Variants in KCTD10 observed in about 807,000 individuals in gnomAD.
KCTD10 encodes potassium channel tetramerization domain containing 10.
Under a neutral mutation model 34.6 loss-of-function variants are expected in KCTD10, and 13 were observed. The ratio of observed to expected loss-of-function variants is 0.38; its 90% CI spans 0.24 to 0.60. KCTD10 has a LOEUF of 0.60. KCTD10 is among the 20% of genes least tolerant of loss of function. The pLI, the probability that KCTD10 is intolerant of heterozygous loss-of-function variation, is 0.66. For missense variants in KCTD10, 256 were observed against 420.3 expected (o/e 0.61, Z 3.42); for synonymous variants, 156 against 168.8 (o/e 0.92, Z 0.59).
intron 4 of KCTD10, 101 bp from the exon 5 acceptor site, chr12:109,457,783 G>A: frequency 7.8e-7 from 1 of 1,278,914 alleles, no homozygotes; most frequent in Non-Finnish European, 1.1e-6. Context: ...TGCATCAGAA[G>A]AGGCAGACAA....
intron 1 of KCTD10, chr12:109,471,011 T>G (rs1873858913): frequency 1.7e-6 from 1 of 575,974 alleles, no homozygotes; most frequent in African/African-American, 2.0e-5. Flanking sequence ...CCCACAGTTC[T>G]TCCCCACCCC....
At position 109,450,127 on chromosome 12, in the gene KCTD10, A is replaced by G; in HGVS notation, c.*1468T>C. 1 of 397,604 alleles carries G rather than the reference A, an allele frequency of 2.5e-6. No individual in the cohort carries two copies. The highest frequency in any genetic ancestry group is 4.4e-5 in the Admixed American group (1 of 22,728). The allele number at this position is 397,604 out of a possible 1,614,324, so 24.6% of individuals were successfully genotyped here. On this transcript the variant is annotated 3_prime_UTR_variant, in exon 7 of 7. Coordinates refer to ENST00000228495, the MANE Select transcript of KCTD10 (RefSeq NM_031954.5). Reference sequence around the variant, plus strand: ...GGAATACATGTGTCAAAGGCTGCCCATGTTAATACCTTTGGTATAAAACGG... The same window carrying G: ...GGAATACATGTGTCAAAGGCTGCCCGTGTTAATACCTTTGGTATAAAACGG...
rs1446655410 is a variant in KCTD10 at position 109,458,002 on chromosome 12, G to C, written c.464C>G (p.Thr155Ser). The part of the protein sequence containing the change: ...SSKEEQKLIA[T>S]SNKPAVKLLY... ...GTGCCTCCAACATACCTTATTTGAA[G>C]TCGCTATAAGTTTTTGTTCTTCCTT... Residue 155 changes from threonine (T) to serine (S), a missense_variant, in exon 4 of 7, where the codon ACT becomes AGT. Around this residue, in one of 3 missense-constraint regions of KCTD10, gnomAD observed 155 missense variants for 207.0 expected, o/e 0.75. Transcript: ENST00000228495. 6.2e-7 allele frequency: 1 copy of C among 1,613,438 alleles called. No individual in the cohort carries two copies. The highest frequency in any genetic ancestry group is 8.5e-7 in the Non-Finnish European group (1 of 1,179,310).
intron 1 of KCTD10, among the ~76,000 whole-genome samples, chr12:109,474,151 G>C (rs1397380648): frequency 2.0e-5 from 3 of 152,122 alleles, no homozygotes; most frequent in Non-Finnish European, 4.4e-5. Flanking sequence ...CCGACCTCAA[G>C]TGATCCATCT....
Position 109,450,753 on chromosome 12 carries a change from G to C in KCTD10, c.*842C>G, listed in dbSNP as rs1872731487. ...GTCACAGGGTCAGATGGCCTTCCTG[G>C]AGTGGAGTCGGGTCAATCAGGAGAA... On this transcript the variant is annotated 3_prime_UTR_variant, in exon 7 of 7. Transcript: ENST00000228495. 5.9e-6 allele frequency: 1 copy of C among 170,196 alleles called. No individual in the cohort carries two copies. Among genetic ancestry groups the C allele is most frequent in the African/African-American group, 2.4e-5 (1 of 42,238 alleles). 10.5% of individuals were successfully genotyped at this position (170,196 alleles called of 1,614,324 possible).
intron 1 of KCTD10, chr12:109,470,734 C>T (rs1366189551): frequency 1.4e-5 from 4 of 293,150 alleles, no homozygotes; most frequent in South Asian, 2.6e-4. Context: ...TCATCATGTC[C>T]GGACACAGAC....
In KCTD10 at chr12:109,449,814, G is replaced by C. The variant is rs1872671843; in HGVS notation, c.*1781C>G. Reference sequence around the variant, plus strand: ...AAAGCTCAACCCAAAAGAAAGACAGGGTTGGTGTTTAACACTTAAACAGTA... The same window carrying C: ...AAAGCTCAACCCAAAAGAAAGACAGCGTTGGTGTTTAACACTTAAACAGTA... On this transcript the variant is annotated 3_prime_UTR_variant, in exon 7 of 7. Coordinates refer to ENST00000228495, the MANE Select transcript of KCTD10 (RefSeq NM_031954.5). 1 of 133,936 alleles carries C rather than the reference G, an allele frequency of 7.5e-6. No individual in the cohort carries two copies. Among genetic ancestry groups the C allele is most frequent in the Admixed American group, 7.5e-5 (1 of 13,386 alleles). 8.3% of individuals were successfully genotyped at this position (133,936 alleles called of 1,614,324 possible).
At chr12:109,473,855 C>T (rs1342123744) in intron 1 of KCTD10, among the ~76,000 whole-genome samples, 4 of 151,364 alleles carry the variant, frequency 2.6e-5, no homozygotes, top group African/African-American at 9.7e-5. Flanking sequence ...GATCTCAGCT[C>T]ACCGCAACGT....
chr12:109,451,559 G>A lies in KCTD10; in HGVS notation c.*36C>T. The A allele has an allele frequency of 1.3e-6, 2 of 1,565,590 alleles. No homozygotes were observed. Among genetic ancestry groups the A allele is most frequent in the Admixed American group, 1.7e-5 (1 of 58,564 alleles). Reference sequence around the variant, plus strand: ...TGGGTGTAGCACGGCAGGGAGTGGGGGCGGTGAGAGGAGGGCGGCTCGGTC... The same window carrying A: ...TGGGTGTAGCACGGCAGGGAGTGGGAGCGGTGAGAGGAGGGCGGCTCGGTC... On this transcript the variant is annotated 3_prime_UTR_variant, in exon 7 of 7. Transcript: ENST00000228495. The surrounding 1 kb of genome is among the most constrained non-coding windows in gnomAD (Gnocchi z 5.0).
chr12:109,456,434 C>T, intron 5 of KCTD10, 121 bp from the exon 6 acceptor site: 1 of 797,974 alleles, frequency 1.3e-6, no homozygotes, highest in South Asian at 1.5e-5. Context: ...TTCAACCTCA[C>T]AATAATCCCA....
intron 5 of KCTD10, chr12:109,457,235 G>C (rs568252695): frequency 5.8e-6 from 1 of 173,452 alleles, no homozygotes; most frequent in African/African-American, 2.4e-5. Flanking sequence ...CATCAAGACA[G>C]AAAACAGATT....
At chr12:109,455,197 T>A (rs1003849730) in intron 6 of KCTD10, among the ~76,000 whole-genome samples, 1 of 152,094 alleles carries the variant, frequency 6.6e-6, no homozygotes, top group African/African-American at 2.4e-5. Flanking sequence ...AAGAACAATA[T>A]CTATTCTTTT....
At chr12:109,469,944 C>A (rs1318381244) in intron 1 of KCTD10, 2 of 1,260,930 alleles carry the variant, frequency 1.6e-6, no homozygotes, top group Middle Eastern at 2.8e-4. Context: ...AGCAGGGGAA[C>A]AACTGGTCAG....
chr12:109,466,001 G>A (rs1477020083), intron 2 of KCTD10, among the ~76,000 whole-genome samples: 1 of 152,226 alleles, frequency 6.6e-6, no homozygotes, highest in Non-Finnish European at 1.5e-5. Context: ...AATGCATTGT[G>A]AAAGGTGCTA....
Position 109,457,615 on chromosome 12 carries a change from C to T in KCTD10, c.527+15G>A, listed in dbSNP as rs771437976. 3 of 1,613,392 alleles carry T rather than the reference C, an allele frequency of 1.9e-6. No homozygotes were observed. Among genetic ancestry groups the T allele is most frequent in the Non-Finnish European group, 2.5e-6 (3 of 1,179,300 alleles). On this transcript the variant is annotated intron_variant, in intron 5 of 6. Coordinates refer to ENST00000228495, the MANE Select transcript of KCTD10 (RefSeq NM_031954.5). ...TCCTAGTAAATGGAGCTGTCTTTCC[C>T]GGCTGACGCCTTACCTGGTATATGA...
chr12:109,465,905 C>G (rs1873562875), intron 2 of KCTD10, among the ~76,000 whole-genome samples: 1 of 152,082 alleles, frequency 6.6e-6, no homozygotes, highest in Admixed American at 6.5e-5. Context: ...AATACATTAG[C>G]AAGACATCAG....
chr12:109,451,648 C>A lies in KCTD10; in HGVS notation c.889G>T (p.Val297Leu), dbSNP rs369957720. The A allele has an allele frequency of 5.0e-6, 8 of 1,612,596 alleles. No homozygotes were observed. Among genetic ancestry groups the A allele is most frequent in the South Asian group, 1.1e-5 (1 of 91,010 alleles). Reference sequence around the variant, plus strand: ...GGGCGCTTGATGTGGATCCTCCGCACGCGCTCGATCCGCTCCCGCTCCTCG... The same window carrying A: ...GGGCGCTTGATGTGGATCCTCCGCAAGCGCTCGATCCGCTCCCGCTCCTCG... ...EDEERERIER[V>L]RRIHIKRPDD... is the part of the protein sequence containing the mutation. Residue 297 changes from valine (V) to leucine (L), a missense_variant, in exon 7 of 7, where the codon GTG (valine) becomes TTG (leucine). This residue lies in a region of KCTD10 where 60 missense variants were observed against 89.0 expected (regional missense o/e 0.67). Coordinates refer to ENST00000228495, the MANE Select transcript of KCTD10 (RefSeq NM_031954.5). The surrounding 1 kb of genome is among the most constrained non-coding windows in gnomAD (Gnocchi z 5.0).
rs1257485075 is a variant in KCTD10, at chr12:109,457,662, G to A, written c.495C>T (p.Tyr165=). ...ATGAGTATTTGTTGTTACTTCTGTT[G>A]TAGAGCAACTTCACGGCTGGCTGTG... is the stretch of plus-strand genomic sequence containing the variant. The part of the protein sequence containing the change: ...TSNKPAVKLL[Y]NRSNNKYSYT... The change falls in exon 5 of 7, where the codon TAC becomes TAT. Residue 165 remains tyrosine (Y), a synonymous_variant. Coordinates refer to ENST00000228495, the MANE Select transcript of KCTD10 (RefSeq NM_031954.5). 7.4e-6 allele frequency: 12 copies of A among 1,614,112 alleles called. No homozygotes were observed. Among genetic ancestry groups the A allele is most frequent in the Non-Finnish European group, 1.0e-5 (12 of 1,180,032 alleles).
chr12:109,455,369 T>C (rs921459361), intron 6 of KCTD10: 1 of 151,976 alleles, frequency 6.6e-6, no homozygotes, highest in Non-Finnish European at 1.5e-5. Context: ...ATTCTGTGTA[T>C]GGCTTCAATT....
Sources: gnomAD v4.1 joint callset for allele counts (sites outside exome capture counted in the v4.1 genomes callset) on GRCh38, gnomAD v4.1.1 for gene constraint, gnomAD v4.1.1 regional missense constraint, Gnocchi (gnomAD v3.1) non-coding constraint, MANE v1.5 for transcripts, NCBI Gene and HGNC (gene_info 2026-07-23, HGNC 2026-07-21) for gene names.